DIP2C: variants seen among roughly 807,000 people sequenced by gnomAD.
DIP2C encodes the protein disco-interacting protein 2 homolog C.
DIP2C carries 33 observed loss-of-function variants against 192.4 expected under a neutral mutation model. The ratio of observed to expected loss-of-function variants is 0.17; its 90% CI spans 0.13 to 0.23. The LOEUF is 0.23. Ranked by LOEUF, DIP2C falls within the 10% of genes least tolerant of loss-of-function variation. The pLI is 1.00. For missense variants in DIP2C, 1,537 were observed against 2,110.1 expected, an observed-to-expected ratio of 0.73 and a Z score of 5.32; for synonymous variants, 979 against 864.1, an observed-to-expected ratio of 1.13 and a Z score of -2.33.
chr10:422,379 G>A (rs930482158), intron 5 of DIP2C, among the ~76,000 whole-genome samples: 2 of 152,154 alleles, frequency 1.3e-5, no homozygotes, highest in Non-Finnish European at 2.9e-5. Flanking sequence ...GTATCTCCCT[G>A]TCATAGAACC....
At chr10:490,131 A>G (rs1386890442) in intron 1 of DIP2C, among the ~76,000 whole-genome samples, 9 of 95,414 alleles carry the variant, frequency 9.4e-5, no homozygotes, top group Admixed American at 8.6e-4. Flanking sequence ...TCCATTTCAC[A>G]CCAGGGACAC....
rs1179001154 is a variant in DIP2C at position 363,497 on chromosome 10, G to C, written c.2478-186C>G. On this transcript the variant is annotated intron_variant, in intron 20 of 36. Coordinates refer to ENST00000280886, the MANE Select transcript of DIP2C (RefSeq NM_014974.3). The surrounding 1 kb of genome is among the most constrained non-coding windows in gnomAD (Gnocchi z 5.4). ...CGGGAAGAACTGTGGGAGGCGCCCA[G>C]GGATGCTGCCGAGGCAAGGTCACCC... Among the ~76,000 whole-genome samples, 1 of 152,184 alleles carries C rather than the reference G, an allele frequency of 6.6e-6. No individual in the cohort carries two copies. The highest frequency in any genetic ancestry group is 1.5e-5 in the Non-Finnish European group (1 of 68,038).
At position 370,012 on chromosome 10, in the gene DIP2C, G is replaced by C. The variant is rs373241886; in HGVS notation, c.1992-379C>G. ...GCTCACTCCACGGTCTGCTCTTCTA[G>C]TTTTGCAAATGTCTGGAGGGTGGTG... On this transcript the variant is annotated intron_variant, in intron 17 of 36. Coordinates refer to ENST00000280886, the MANE Select transcript of DIP2C (RefSeq NM_014974.3). 2.0e-5 allele frequency: 20 copies of C among 985,406 alleles called. No individual in the cohort carries two copies. In the African/African-American group the frequency reaches 2.1e-4, roughly 10 times the overall value. 61.0% of individuals were successfully genotyped at this position (985,406 alleles called of 1,614,324 possible).
intron 1 of DIP2C, among the ~76,000 whole-genome samples, chr10:497,964 C>CA (rs1411672846): frequency 1.3e-5 from 2 of 152,192 alleles, no homozygotes; most frequent in African/African-American, 2.4e-5. Flanking sequence ...CTTGACCTTC[C>CA]AGGGCCAAGT....
chr10:412,384 G>A (rs1038712860), intron 8 of DIP2C, among the ~76,000 whole-genome samples: 4 of 152,240 alleles, frequency 2.6e-5, no homozygotes, highest in African/African-American at 7.2e-5. Flanking sequence ...TCATGCAGCA[G>A]CGACTCCAAG....
intron 1 of DIP2C, among the ~76,000 whole-genome samples, chr10:609,002 A>C (rs1852874739): frequency 6.6e-6 from 1 of 152,044 alleles, no homozygotes; most frequent in South Asian, 2.1e-4. Flanking sequence ...ATCTACACAG[A>C]AGAAAACCCT....
intron 1 of DIP2C, among the ~76,000 whole-genome samples, chr10:683,174 A>G (rs1831192990): frequency 6.6e-6 from 1 of 152,182 alleles, no homozygotes; most frequent in Non-Finnish European, 1.5e-5. Flanking sequence ...ATGTCTTAGC[A>G]CTTTCCTGCC....
At chr10:526,146 C>T (rs1031347239) in intron 1 of DIP2C, among the ~76,000 whole-genome samples, 6 of 152,158 alleles carry the variant, frequency 3.9e-5, no homozygotes, top group African/African-American at 9.7e-5. Context: ...GAAACAGGAC[C>T]GACCGGGGCT....
chr10:525,689 G>C (rs932094988), intron 1 of DIP2C, among the ~76,000 whole-genome samples: 2 of 152,140 alleles, frequency 1.3e-5, no homozygotes, highest in Non-Finnish European at 2.9e-5. Context: ...TGAATGCTTC[G>C]TAGGTGGAGA....
chr10:577,341 C>T (rs1447899446), intron 1 of DIP2C, among the ~76,000 whole-genome samples: 1 of 152,196 alleles, frequency 6.6e-6, no homozygotes, highest in Non-Finnish European at 1.5e-5. Flanking sequence ...GGTACTGTAA[C>T]TAGAAATAAA....
intron 1 of DIP2C, among the ~76,000 whole-genome samples, chr10:519,672 C>G (rs1162835354): frequency 6.6e-6 from 1 of 152,266 alleles, no homozygotes; most frequent in African/African-American, 2.4e-5. Flanking sequence ...GAGTCAGGAT[C>G]AACCGCACAG....
chr10:628,538 C>T (rs1306834642), intron 1 of DIP2C: 1 of 152,294 alleles, frequency 6.6e-6, no homozygotes, highest in Non-Finnish European at 1.5e-5. Context: ...CCCTGGGAGC[C>T]TCGCTCTGAT....
At chr10:644,476 G>C (rs1036349443) in intron 1 of DIP2C, among the ~76,000 whole-genome samples, 3 of 152,274 alleles carry the variant, frequency 2.0e-5, no homozygotes, top group African/African-American at 7.2e-5. Context: ...AGCTGCAGGC[G>C]CGTCCTGGGA....
chr10:339,447 T>A (rs1222730539), intron 29 of DIP2C, among the ~76,000 whole-genome samples: 1 of 151,902 alleles, frequency 6.6e-6, no homozygotes, highest in Non-Finnish European at 1.5e-5. Flanking sequence ...AAGAGTGTAT[T>A]GTTATTGTGG....
At position 666,945 on chromosome 10, in the gene DIP2C, GCACC is replaced by G. The variant is rs1857135516; in HGVS notation, c.85+22545_85+22548del. On this transcript the variant is annotated intron_variant, in intron 1 of 36. Coordinates refer to ENST00000280886, the MANE Select transcript of DIP2C (RefSeq NM_014974.3). This position sits in a 1 kb window ranked among gnomAD's most constrained non-coding sequence, Gnocchi z 4.1. ...GAAAGAGCCAGGCACCAGGGAGAGG[GCACC>G]CACCCAGTCTCCTAATCATAACAGA... 1 of 152,364 alleles carries G rather than the reference GCACC, an allele frequency of 6.6e-6. No homozygotes were observed. Among genetic ancestry groups the G allele is most frequent in the Non-Finnish European group, 1.5e-5 (1 of 68,116 alleles). 9.4% of individuals were successfully genotyped at this position (152,364 alleles called of 1,614,324 possible). A position where few individuals can be genotyped will look rare whatever the true frequency, so the allele number is the denominator to read the frequency against.
intron 2 of DIP2C, among the ~76,000 whole-genome samples, chr10:482,845 T>C (rs1691502526): frequency 6.6e-6 from 1 of 152,208 alleles, no homozygotes; most frequent in African/African-American, 2.4e-5. Flanking sequence ...TTGACTGGGC[T>C]TAGAGACTGA....
intron 1 of DIP2C, among the ~76,000 whole-genome samples, chr10:579,646 G>A (rs1026551358): frequency 5.3e-5 from 8 of 152,094 alleles, no homozygotes; most frequent in African/African-American, 1.9e-4. Flanking sequence ...CATGCATAGA[G>A]CAAACATCCA....
At chr10:674,468 T>C (rs1267710068) in intron 1 of DIP2C, among the ~76,000 whole-genome samples, 1 of 151,962 alleles carries the variant, frequency 6.6e-6, no homozygotes, top group African/African-American at 2.4e-5. Flanking sequence ...AAAGCAAATA[T>C]TAGTAGATCT....
At chr10:494,918 A>G (rs768821025) in intron 1 of DIP2C, among the ~76,000 whole-genome samples, 1 of 152,224 alleles carries the variant, frequency 6.6e-6, no homozygotes, top group Non-Finnish European at 1.5e-5. Flanking sequence ...AGTGTAAGGG[A>G]GAGATACCTG....
Sources: gnomAD v4.1 joint callset for allele counts (sites outside exome capture counted in the v4.1 genomes callset) on GRCh38, gnomAD v4.1.1 for gene constraint, Gnocchi (gnomAD v3.1) non-coding constraint, MANE v1.5 for transcripts, NCBI Gene and HGNC (gene_info 2026-07-23, HGNC 2026-07-21) for gene names.